The following YJU2B variants were observed in gnomAD, a reference collection of about 807,000 sequenced individuals.
YJU2B encodes the protein YJU2 splicing factor homolog B, also known as probable splicing factor YJU2B.
A neutral mutation model predicts 38.0 loss-of-function variants in YJU2B; 18 were observed. That is an observed-to-expected ratio of 0.47 (90% CI 0.33 to 0.70). YJU2B has a LOEUF of 0.70. Ranked by LOEUF, YJU2B falls within the 30% of genes least tolerant of loss-of-function variation. The pLI is 0.02. For synonymous variants in YJU2B, 246 were observed against 225.4 expected (o/e 1.09, Z -0.82); for missense variants, 538 against 556.3 (o/e 0.97, Z 0.33).
chr19:13,754,399 C>CTT, intron 3 of YJU2B, 57 bp downstream of exon 3: 1 of 1,437,232 alleles, frequency 7.0e-7, no homozygotes, highest in Non-Finnish European at 9.8e-7. Flanking sequence ...GTCATCCCCT[C>CTT]TTGGGGTTAG....
chr19:13,757,814 G>C lies in YJU2B; in HGVS notation c.225G>C (p.Lys75Asn). The C allele has an allele frequency of 6.2e-7, 1 of 1,614,044 alleles. No individual in the cohort carries two copies. Residue 75 changes from lysine to asparagine, a missense_variant, in exon 6 of 10, where the codon AAG (lysine) becomes AAC (asparagine). Physicochemically the swap from Lys to Asn is moderately conservative, Grantham distance 94. Around this residue, in one of 2 missense-constraint regions of YJU2B, gnomAD observed 488 missense variants for 469.5 expected, o/e 1.04. Coordinates refer to ENST00000221554, the MANE Select transcript of YJU2B (RefSeq NM_030818.4). ...MGVRYNAEKK[K>N]VGNYYTTPIY... ...TTCGTTACAATGCAGAAAAGAAGAAGGTGGGCAATTACTACACAACCCCGA... is the reference window on the plus strand; with the variant it reads ...TTCGTTACAATGCAGAAAAGAAGAACGTGGGCAATTACTACACAACCCCGA...
upstream of YJU2B, among the ~76,000 whole-genome samples, chr19:13,746,055 C>T (rs399804): frequency 0.61 from 91,700 of 151,518 alleles, 27,961 homozygotes; most frequent in Middle Eastern, 0.72. Flanking sequence ...AGTTTGAGAC[C>T]AGCCTGGCCA....
At chr19:13,747,870 G>C (rs1321115758), upstream of YJU2B, 2 of 152,332 alleles carry the variant, frequency 1.3e-5, no homozygotes, top group African/African-American at 2.4e-5. Context: ...GGCGTCCTGG[G>C]GGCGCGGAGA....
intron 3 of YJU2B, among the ~76,000 whole-genome samples, chr19:13,755,874 C>T (rs1599526122): frequency 6.6e-6 from 1 of 152,124 alleles, no homozygotes; most frequent in East Asian, 1.9e-4. Flanking sequence ...AGGAGAATCA[C>T]TTGAACCCGG....
Position 13,762,920 on chromosome 19 carries a change from G to A in YJU2B, c.1043G>A (p.Ser348Asn). The change falls in exon 10 of 10, where the codon AGC (serine) becomes AAC (asparagine). Residue 348 changes from serine (S) to asparagine (N), a missense_variant. Physicochemically the swap from Ser to Asn is conservative, Grantham distance 46 (BLOSUM62 1). This residue lies in a region of YJU2B where 488 missense variants were observed against 469.5 expected (regional missense o/e 1.04). Coordinates refer to ENST00000221554, the MANE Select transcript of YJU2B (RefSeq NM_030818.4). ...ACAACTGAGACCCCCAAGTGCAGCA[G>A]CCCGAGGGGGCAGGAAGGGAGCCGT... Reference protein sequence around the residue: ...PETTETPKCSSPRGQEGSRQD... With the variant: ...PETTETPKCSNPRGQEGSRQD... The A allele has an allele frequency of 4.3e-6, 7 of 1,611,804 alleles. No homozygotes were observed. The highest frequency in any genetic ancestry group is 5.9e-6 in the Non-Finnish European group (7 of 1,179,726).
In YJU2B at chr19:13,762,747, C is replaced by A; in HGVS notation, c.870C>A (p.Val290=). Residue 290 remains valine (V), a synonymous_variant, in exon 10 of 10, where the codon GTC becomes GTA. Coordinates refer to ENST00000221554, the MANE Select transcript of YJU2B (RefSeq NM_030818.4). ...CGCTTGCCACCTCCCCCATCACCGTCGGGGACCTGGGCATCGTGCGGCGGA... is the reference window on the plus strand; with the variant it reads ...CGCTTGCCACCTCCCCCATCACCGTAGGGGACCTGGGCATCGTGCGGCGGA... ...RTALATSPIT[V]GDLGIVRRRS... is the part of the protein sequence containing the mutation. The A allele has an allele frequency of 6.2e-7, 1 of 1,608,600 alleles. No individual in the cohort carries two copies. Among genetic ancestry groups the A allele is most frequent in the East Asian group, 2.2e-5 (1 of 44,784 alleles).
upstream of YJU2B, among the ~76,000 whole-genome samples, chr19:13,745,676 TAGATAGATAG>T (rs1297986784): frequency 6.6e-5 from 6 of 90,366 alleles, no homozygotes; most frequent in African/African-American, 2.9e-4. Context: ...GATAGATAGA[TAGATAGATAG>T]ATAGATATAG....
intron 8 of YJU2B, among the ~76,000 whole-genome samples, chr19:13,760,366 C>T (rs1357623622): frequency 6.6e-6 from 1 of 152,182 alleles, no homozygotes; most frequent in Admixed American, 6.5e-5. Flanking sequence ...GCAGAAGGGA[C>T]AAACAAGTTC....
rs536269729 is a variant in YJU2B, at chr19:13,757,365, C to A, written c.141-53C>A. On this transcript the variant is annotated intron_variant, in intron 4 of 9. Coordinates refer to ENST00000221554, the MANE Select transcript of YJU2B (RefSeq NM_030818.4). ...CGGCCAGAGTCGCAGGTGTGGAGAC[C>A]CAGGGAGTGTCCAAGTGGACAAGTG... 5 of 1,524,700 alleles carry A rather than the reference C, an allele frequency of 3.3e-6. No individual in the cohort carries two copies. The Admixed American group carries it at 5.0e-5, about 15-fold the overall frequency. The allele number at this position is 1,524,700 out of a possible 1,614,324, so 94.4% of individuals were successfully genotyped here.
chr19:13,735,799 TCC>T (rs1972927719), intron 2 of YJU2B, among the ~76,000 whole-genome samples: 1 of 151,910 alleles, frequency 6.6e-6, no homozygotes, highest in South Asian at 2.1e-4. Flanking sequence ...ACGCCTGTAA[TCC>T]CAGCACTTTG....
In YJU2B at chr19:13,758,632, T is replaced by C. The variant is rs984763322; in HGVS notation, c.258-236T>C. On this transcript the variant is annotated intron_variant, in intron 6 of 9. Coordinates refer to ENST00000221554, the MANE Select transcript of YJU2B (RefSeq NM_030818.4). ...AAAAATGGATGAGGGAATGAATGAA[T>C]GAACAAACAGCTGAATGAACAAATG... Among the ~76,000 whole-genome samples, 6 of 152,290 alleles carry C rather than the reference T, an allele frequency of 3.9e-5. No homozygotes were observed. In the South Asian group the frequency reaches 1.3e-3, roughly 32 times the overall value.
chr19:13,732,650 C>T (rs1256845045), intron 2 of YJU2B: 1 of 133,862 alleles, frequency 7.5e-6, no homozygotes, highest in African/African-American at 2.9e-5. Flanking sequence ...CACTCTGTTG[C>T]CCAGGCTGGA....
At chr19:13,737,038 A>AAAAAG (rs1555698722) in intron 2 of YJU2B, among the ~76,000 whole-genome samples, 5 of 151,096 alleles carry the variant, frequency 3.3e-5, no homozygotes, top group African/African-American at 9.8e-5. Context: ...AAAAAAAAAA[A>AAAAAG]AAAAGAAAAA....
exon 1 of YJU2B, chr19:13,731,931 G>C (rs1231630017): frequency 6.6e-6 from 1 of 152,228 alleles, no homozygotes; most frequent in Non-Finnish European, 1.5e-5. Flanking sequence ...CGCCTTCCAG[G>C]GTAGCTCCCT....
In YJU2B at chr19:13,759,259, G is replaced by A. The variant is rs1366986043; in HGVS notation, c.560G>A (p.Arg187Gln). 6.8e-6 allele frequency: 11 copies of A among 1,607,476 alleles called. No homozygotes were observed. The highest frequency in any genetic ancestry group is 2.2e-5 in the East Asian group (1 of 44,668). Residue 187 changes from arginine (R) to glutamine (Q), a missense_variant, in exon 8 of 10, where the codon CGG (arginine) becomes CAG (glutamine). Physicochemically the swap from Arg to Gln is conservative, Grantham distance 43. This residue lies in a region of YJU2B where 488 missense variants were observed against 469.5 expected (regional missense o/e 1.04). Coordinates refer to ENST00000221554, the MANE Select transcript of YJU2B (RefSeq NM_030818.4). ...GACTTCGCCCTCAACAGCATGCTGC[G>A]GAGAAGGTTCCGGGTGAGGGGGGCT... ...KDDFALNSML[R>Q]RRFREKKKAI...
chr19:13,759,376 CCTCT>C lies in YJU2B; in HGVS notation c.573+105_573+108del, dbSNP rs1331554110. On this transcript the variant is annotated intron_variant, in intron 8 of 9. Coordinates refer to ENST00000221554, the MANE Select transcript of YJU2B (RefSeq NM_030818.4). Reference sequence around the variant, plus strand: ...CCTAGCTTTGAGCAGGCCACTGTACCCTCTGAGCCTCAGTTTCCCCATCTGCTAC... The same window carrying C: ...CCTAGCTTTGAGCAGGCCACTGTACCGAGCCTCAGTTTCCCCATCTGCTAC... The C allele has an allele frequency of 5.7e-6, 5 of 883,442 alleles. No homozygotes were observed. The South Asian group carries it at 8.9e-5, about 16-fold the overall frequency. The allele number at this position is 883,442 out of a possible 1,614,324, so 54.7% of individuals were successfully genotyped here.
At chr19:13,734,783 GT>G (rs997775880) in intron 2 of YJU2B, among the ~76,000 whole-genome samples, 9 of 151,464 alleles carry the variant, frequency 5.9e-5, no homozygotes, top group Admixed American at 5.3e-4. Context: ...TTTTGGTTCT[GT>G]TTTGTAGAAG....
intron 1 of YJU2B, among the ~76,000 whole-genome samples, chr19:13,748,537 G>T (rs1437681579): frequency 3.9e-5 from 6 of 152,146 alleles, no homozygotes; most frequent in Admixed American, 6.5e-5. Flanking sequence ...AGCCCCGTCT[G>T]CCATTTACTG....
Position 13,759,119 on chromosome 19 carries a change from G to A in YJU2B, c.420G>A (p.Lys140=). ...TTGCAGAGCATGAGAAGAAGCAGAA[G>A]CTGGAGACGGACGCCATGTTCCGGC... ...VLTTEHEKKQ[K]LETDAMFRLE... is the part of the protein sequence containing the mutation. The change falls in exon 8 of 10, where the codon AAG becomes AAA. Residue 140 remains lysine, a synonymous_variant. Coordinates refer to ENST00000221554, the MANE Select transcript of YJU2B (RefSeq NM_030818.4). 1.2e-6 allele frequency: 2 copies of A among 1,613,790 alleles called. No individual in the cohort carries two copies. Among genetic ancestry groups the A allele is most frequent in the Non-Finnish European group, 1.7e-6 (2 of 1,179,926 alleles).
Sources: allele counts gnomAD v4.1 joint callset (sites outside exome capture counted in the v4.1 genomes callset), GRCh38; gene constraint gnomAD v4.1.1; regional missense constraint gnomAD v4.1.1; transcripts MANE v1.5; gene names NCBI Gene and HGNC (gene_info 2026-07-23, HGNC 2026-07-21).